The following ARB2A variants were observed in gnomAD, a reference collection of about 807,000 sequenced individuals.
The protein encoded by ARB2A is ARB2 cotranscriptional regulator A.
the ARB2A span, among the ~76,000 whole-genome samples, chr5:93,917,838 A>G: frequency 6.6e-6 from 1 of 152,180 alleles, no homozygotes; most frequent in East Asian, 1.9e-4. Context: ...TGATTGCACC[A>G]CTGCACTCAA....
chr5:93,929,355 T>C, the ARB2A span, among the ~76,000 whole-genome samples: 2 of 152,144 alleles, frequency 1.3e-5, no homozygotes, highest in African/African-American at 4.8e-5. Context: ...TCATATATGG[T>C]AGTTGTATCT....
the ARB2A span, among the ~76,000 whole-genome samples, chr5:93,697,485 C>A: frequency 1.3e-5 from 2 of 152,136 alleles, no homozygotes; most frequent in Non-Finnish European, 2.9e-5. Context: ...TGACACCAAG[C>A]CTTTACACTT....
At chr5:94,035,658 G>A in the ARB2A span, among the ~76,000 whole-genome samples, 1 of 152,066 alleles carries the variant, frequency 6.6e-6, no homozygotes, top group Admixed American at 6.5e-5. Context: ...ATACACCATG[G>A]AATACTATGC....
At chr5:93,882,651 A>T in the ARB2A span, among the ~76,000 whole-genome samples, 1 of 151,498 alleles carries the variant, frequency 6.6e-6, no homozygotes, top group East Asian at 1.9e-4. Context: ...ATTGACAAGC[A>T]TGGGTAACAC....
At chr5:93,843,209 A>G in the ARB2A span, among the ~76,000 whole-genome samples, 1 of 152,288 alleles carries the variant, frequency 6.6e-6, no homozygotes, top group Non-Finnish European at 1.5e-5. Flanking sequence ...AGAGATTCCA[A>G]TTACTTTTTA....
At chr5:93,647,254 C>A in the ARB2A span, among the ~76,000 whole-genome samples, 1 of 152,104 alleles carries the variant, frequency 6.6e-6, no homozygotes, top group African/African-American at 2.4e-5. Context: ...GAGACGGAGT[C>A]TTACTCTTTC....
the ARB2A span, among the ~76,000 whole-genome samples, chr5:93,850,990 T>C: frequency 1.7e-4 from 26 of 152,032 alleles, no homozygotes; most frequent in African/African-American, 6.3e-4. Context: ...ATTGATTGGT[T>C]CTTCTTCTTT....
At chr5:93,915,448 C>G in the ARB2A span, among the ~76,000 whole-genome samples, 1 of 151,256 alleles carries the variant, frequency 6.6e-6, no homozygotes, top group Non-Finnish European at 1.5e-5. Flanking sequence ...TTACTCTATG[C>G]TGAACAAAGA....
chr5:93,765,355 T>C, the ARB2A span, among the ~76,000 whole-genome samples: 119 of 152,296 alleles, frequency 7.8e-4, no homozygotes, highest in Non-Finnish European at 1.5e-3. Context: ...AGTCTCAGGA[T>C]AGAAAATCAA....
the ARB2A span, among the ~76,000 whole-genome samples, chr5:93,904,671 CAAAT>C: frequency 6.6e-6 from 1 of 151,712 alleles, no homozygotes; most frequent in Non-Finnish European, 1.5e-5. Flanking sequence ...TAATTGGCCA[CAAAT>C]AAATCTATTC....
chr5:93,888,841 C>A, the ARB2A span, among the ~76,000 whole-genome samples: 13 of 151,576 alleles, frequency 8.6e-5, no homozygotes, highest in Admixed American at 2.0e-4. Flanking sequence ...GTGCTAGAGT[C>A]CACCTGCAAG....
chr5:94,109,963 C>A, the ARB2A span, among the ~76,000 whole-genome samples: 1 of 146,436 alleles, frequency 6.8e-6, no homozygotes, highest in African/African-American at 2.5e-5. Flanking sequence ...CGGCTCACTG[C>A]AACCTCCGCC....
the ARB2A span, among the ~76,000 whole-genome samples, chr5:93,969,927 G>A: frequency 2.0e-4 from 31 of 152,156 alleles, no homozygotes; most frequent in Admixed American, 2.0e-3. Flanking sequence ...AGGTACTACA[G>A]ATCCTTTTGA....
chr5:94,053,246 G>A, the ARB2A span: 1 of 1,240,826 alleles, frequency 8.1e-7, no homozygotes, highest in Non-Finnish European at 1.1e-6. Flanking sequence ...GAAATGATAT[G>A]AAATTTACTT....
chr5:93,944,516 C>G, the ARB2A span, among the ~76,000 whole-genome samples: 1 of 151,370 alleles, frequency 6.6e-6, no homozygotes, highest in Non-Finnish European at 1.5e-5. Flanking sequence ...CCCAGGAGGT[C>G]AAGGCTGCAG....
the ARB2A span, among the ~76,000 whole-genome samples, chr5:94,003,733 G>A: frequency 6.6e-6 from 1 of 152,088 alleles, no homozygotes; most frequent in Admixed American, 6.5e-5. Context: ...GACATACCGT[G>A]TTCATGGATA....
At chr5:93,797,076 G>A in the ARB2A span, among the ~76,000 whole-genome samples, 2 of 152,052 alleles carry the variant, frequency 1.3e-5, no homozygotes, top group African/African-American at 4.8e-5. Context: ...TATACAACAA[G>A]TTTCCTCTAT....
chr5:93,717,136 G>GT, the ARB2A span, among the ~76,000 whole-genome samples: 1 of 152,026 alleles, frequency 6.6e-6, no homozygotes, highest in African/African-American at 2.4e-5. Flanking sequence ...TGATGAGATG[G>GT]TATCTATTGA....
the ARB2A span, among the ~76,000 whole-genome samples, chr5:93,771,152 A>C: frequency 2.6e-5 from 4 of 152,092 alleles, 1 homozygote; most frequent in African/African-American, 9.7e-5. Context: ...ATAACGCCGC[A>C]TATCTACAAC....
Sources: gnomAD v4.1 joint callset for allele counts (sites outside exome capture counted in the v4.1 genomes callset) on GRCh38, gnomAD v4.1.1 for gene constraint, MANE v1.5 for transcripts, NCBI Gene and HGNC (gene_info 2026-07-23, HGNC 2026-07-21) for gene names.